The following FAM3D variants were observed in gnomAD, a reference collection of about 807,000 sequenced individuals.
FAM3D encodes the protein protein FAM3D.
FAM3D carries 26 observed loss-of-function variants against 29.8 expected under a neutral mutation model. That is an observed-to-expected ratio of 0.87 (90% CI 0.64 to 1.21). FAM3D has a LOEUF of 1.21. Among genes scored for constraint, FAM3D ranks in the 50% most tolerant of loss-of-function variants. The pLI is 0.00. For missense variants in FAM3D, 253 were observed against 290.9 expected (o/e 0.87, Z 0.95); for synonymous variants, 115 against 102.3 (o/e 1.12, Z -0.75).
chr3:58,645,093 A>C (rs540155197), intron 5 of FAM3D, among the ~76,000 whole-genome samples: 2 of 152,282 alleles, frequency 1.3e-5, no homozygotes, highest in South Asian at 4.1e-4. Flanking sequence ...GGTGCCTGCT[A>C]TATCTGGGCT....
intron 1 of FAM3D, among the ~76,000 whole-genome samples, chr3:58,665,088 T>A (rs1339170337): frequency 6.6e-6 from 1 of 152,204 alleles, no homozygotes; most frequent in Non-Finnish European, 1.5e-5. Flanking sequence ...CAGCAGGGTC[T>A]GTGTGTAAAG....
chr3:58,637,705 T>C (rs933913898), intron 7 of FAM3D, among the ~76,000 whole-genome samples: 1 of 151,952 alleles, frequency 6.6e-6, no homozygotes, highest in Non-Finnish European at 1.5e-5. Context: ...AGAATTCGAG[T>C]AGACTATGAA....
At chr3:58,646,942 A>AT (rs2066500275) in intron 4 of FAM3D, among the ~76,000 whole-genome samples, 1 of 152,168 alleles carries the variant, frequency 6.6e-6, no homozygotes, top group Non-Finnish European at 1.5e-5. Context: ...TCCCTGGTCT[A>AT]TAGGGAGCTT....
intron 8 of FAM3D, 50 bp downstream of exon 8, chr3:58,637,091 T>C (rs775351912): frequency 1.1e-5 from 16 of 1,491,630 alleles, no homozygotes; most frequent in Non-Finnish European, 1.0e-5. Context: ...GGTTTGAAGG[T>C]ATTCAGTTTG....
intron 1 of FAM3D, among the ~76,000 whole-genome samples, chr3:58,657,350 G>T (rs925837942): frequency 5.3e-5 from 8 of 151,800 alleles, no homozygotes; most frequent in Middle Eastern, 3.4e-3. Flanking sequence ...AGAGTTGAAG[G>T]GGGAGACGGA....
chr3:58,634,183 C>T lies in FAM3D; in HGVS notation c.*96G>A, dbSNP rs978767327. ...GACCTGCAGCACCTTCCACGCAGCA[C>T]CCCCTGCTCCTCCTCCTCAGCCCCT... On this transcript the variant is annotated 3_prime_UTR_variant, in exon 10 of 10. Transcript: ENST00000358781. This position sits in a 1 kb window ranked among gnomAD's most constrained non-coding sequence, Gnocchi z 4.6. 1 of 1,121,514 alleles carries T rather than the reference C, an allele frequency of 8.9e-7. No individual in the cohort carries two copies. The highest frequency in any genetic ancestry group is 1.3e-6 in the Non-Finnish European group (1 of 770,672). The allele number at this position is 1,121,514 out of a possible 1,614,324, so 69.5% of individuals were successfully genotyped here.
intron 1 of FAM3D, among the ~76,000 whole-genome samples, chr3:58,662,985 G>A (rs1470813775): frequency 1.3e-5 from 2 of 152,172 alleles, no homozygotes; most frequent in African/African-American, 2.4e-5. Context: ...TGCAACCTCC[G>A]CCTCCCGAGT....
chr3:58,644,429 C>T (rs1269550399), intron 5 of FAM3D, among the ~76,000 whole-genome samples: 1 of 152,198 alleles, frequency 6.6e-6, no homozygotes, highest in Non-Finnish European at 1.5e-5. Flanking sequence ...TCTTTCTCTG[C>T]CTGCTGCCAA....
intron 3 of FAM3D, among the ~76,000 whole-genome samples, chr3:58,653,455 C>T (rs1463315651): frequency 6.6e-6 from 1 of 152,222 alleles, no homozygotes; most frequent in African/African-American, 2.4e-5. Context: ...TCGATGTGGG[C>T]ACATGTGTTG....
chr3:58,646,339 C>A (rs1162204213), intron 4 of FAM3D, among the ~76,000 whole-genome samples: 2 of 152,218 alleles, frequency 1.3e-5, no homozygotes, highest in African/African-American at 4.8e-5. Flanking sequence ...CACTAAGTGG[C>A]ACCTCTGGTG....
Position 58,653,718 on chromosome 3 carries a change from T to C in FAM3D, c.77A>G (p.Tyr26Cys), listed in dbSNP as rs759568298. The C allele has an allele frequency of 6.2e-7, 1 of 1,614,116 alleles. No homozygotes were observed. The highest frequency in any genetic ancestry group is 8.5e-7 in the Non-Finnish European group (1 of 1,180,052). The change falls in exon 3 of 10, where the codon TAC (tyrosine) becomes TGC (cysteine). Residue 26 changes from tyrosine to cysteine, a missense_variant. Physicochemically the swap from Tyr to Cys is radical, Grantham distance 194. Coordinates refer to ENST00000358781, the MANE Select transcript of FAM3D (RefSeq NM_138805.3). Reference protein sequence around the residue: ...IVTTWMFIRSYMSFSMKTIRL... With the variant: ...IVTTWMFIRSCMSFSMKTIRL... ...GATGGTTTTCATGCTGAAGCTCATGTAGCTTCGAATAAACATCCATGTCGT... is the reference window on the plus strand; with the variant it reads ...GATGGTTTTCATGCTGAAGCTCATGCAGCTTCGAATAAACATCCATGTCGT...
Position 58,655,535 on chromosome 3 carries a change from C to G in FAM3D, c.13+16G>C, listed in dbSNP as rs548166649. The stretch of plus-strand genomic sequence containing the variant: ...GCTGACAGAAAAATGACTCCAAAAC[C>G]AATTTCAGAGCCTACCTGACACTCT... On this transcript the variant is annotated intron_variant, in intron 2 of 9. Coordinates refer to ENST00000358781, the MANE Select transcript of FAM3D (RefSeq NM_138805.3). The G allele has an allele frequency of 1.2e-6, 2 of 1,613,432 alleles. No homozygotes were observed. Among genetic ancestry groups the G allele is most frequent in the Non-Finnish European group, 1.7e-6 (2 of 1,179,578 alleles).
At position 58,636,380 on chromosome 3, in the gene FAM3D, T is replaced by A; in HGVS notation, c.499A>T (p.Ser167Cys). ...AAGCCCAGTTGTTTTGCGTAGGAACTCCCCAAGTCAGAGAAGAGTTTCCTG... is the reference window on the plus strand; with the variant it reads ...AAGCCCAGTTGTTTTGCGTAGGAACACCCCAAGTCAGAGAAGAGTTTCCTG... Reference protein sequence around the residue: ...ESRKLFSDLGSSYAKQLGFRD... With the variant: ...ESRKLFSDLGCSYAKQLGFRD... The change falls in exon 9 of 10, where the codon AGT (serine) becomes TGT (cysteine). Residue 167 changes from serine to cysteine, a missense_variant. Ser to Cys is a moderately radical substitution (Grantham distance 112). Transcript: ENST00000358781. 6.2e-7 allele frequency: 1 copy of A among 1,614,178 alleles called. No homozygotes were observed. The highest frequency in any genetic ancestry group is 8.5e-7 in the Non-Finnish European group (1 of 1,180,024).
chr3:58,643,842 T>A (rs1398814401), intron 5 of FAM3D, 122 bp from the exon 6 acceptor site: 1 of 839,200 alleles, frequency 1.2e-6, no homozygotes, highest in Non-Finnish European at 2.0e-6. Flanking sequence ...GGGAAACACA[T>A]GCAATAACTG....
rs1231215113 is a variant in FAM3D, at chr3:58,635,442, A to C, written c.585+852T>G. The stretch of plus-strand genomic sequence containing the variant: ...TCATTTTTGTGTGTCGGTCCCGGCC[A>C]GCTGGTTGCAGATGGATGAAGATGA... On this transcript the variant is annotated intron_variant, in intron 9 of 9. Transcript: ENST00000358781. The surrounding 1 kb of genome is among the most constrained non-coding windows in gnomAD (Gnocchi z 5.2). Among the ~76,000 whole-genome samples, 1 of 152,148 alleles carries C rather than the reference A, an allele frequency of 6.6e-6. No individual in the cohort carries two copies. Among genetic ancestry groups the C allele is most frequent in the Non-Finnish European group, 1.5e-5 (1 of 68,032 alleles).
At chr3:58,660,116 A>G (rs1338934940) in intron 1 of FAM3D, among the ~76,000 whole-genome samples, 1 of 152,218 alleles carries the variant, frequency 6.6e-6, no homozygotes, top group Non-Finnish European at 1.5e-5. Context: ...GCTGAGGGAG[A>G]CAGACTTCAA....
At chr3:58,638,230 GATA>G (rs2066230699) in intron 7 of FAM3D, among the ~76,000 whole-genome samples, 1 of 152,162 alleles carries the variant, frequency 6.6e-6, no homozygotes, top group Admixed American at 6.5e-5. Flanking sequence ...CATAACAAGT[GATA>G]ATAGCTTTCC....
intron 9 of FAM3D, 88 bp downstream of exon 9, chr3:58,636,206 C>T (rs2066165295): frequency 1.3e-6 from 2 of 1,532,736 alleles, no homozygotes; most frequent in Admixed American, 2.0e-5. Context: ...ATTTTAAGGC[C>T]CCTGGGAGGT....
At chr3:58,644,811 G>A (rs2066430435) in intron 5 of FAM3D, among the ~76,000 whole-genome samples, 1 of 152,224 alleles carries the variant, frequency 6.6e-6, no homozygotes, top group Non-Finnish European at 1.5e-5. Context: ...GGAGGGTAGA[G>A]CTGAAGATGG....
Sources: gnomAD v4.1 joint callset for allele counts (sites outside exome capture counted in the v4.1 genomes callset) on GRCh38, gnomAD v4.1.1 for gene constraint, Gnocchi (gnomAD v3.1) non-coding constraint, MANE v1.5 for transcripts, NCBI Gene and HGNC (gene_info 2026-07-23, HGNC 2026-07-21) for gene names.